Variants in NME7 observed in about 807,000 individuals in gnomAD.
The protein encoded by NME7 is nucleoside diphosphate kinase 7.
In NME7, 41 loss-of-function variants were observed where a neutral mutation model predicts 49.1. The ratio of observed to expected loss-of-function variants is 0.83; its 90% CI spans 0.65 to 1.08. NME7 has a LOEUF of 1.08. NME7 is among the 50% of genes least tolerant of loss of function. The pLI is 0.00. For synonymous variants in NME7, 139 were observed against 150.6 expected, an observed-to-expected ratio of 0.92 and a Z score of 0.56; for missense variants, 423 against 463.4, an observed-to-expected ratio of 0.91 and a Z score of 0.80.
intron 3 of NME7, among the ~76,000 whole-genome samples, chr1:169,315,465 C>T (rs1651587450): frequency 6.6e-6 from 1 of 151,932 alleles, no homozygotes; most frequent in Non-Finnish European, 1.5e-5. Context: ...AAGGTTTCAC[C>T]ACATTGGCCA....
At chr1:169,361,554 C>T (rs1365288367) in intron 1 of NME7, among the ~76,000 whole-genome samples, 1 of 152,050 alleles carries the variant, frequency 6.6e-6, no homozygotes, top group African/African-American at 2.4e-5. Context: ...CCGAGGCAGG[C>T]GGATGACCTG....
chr1:169,210,535 TA>T (rs1660781565), intron 10 of NME7, among the ~76,000 whole-genome samples: 1 of 152,138 alleles, frequency 6.6e-6, no homozygotes, highest in African/African-American at 2.4e-5. Context: ...GTTGTTTAGA[TA>T]GTCCTTCTGT....
intron 4 of NME7, chr1:169,303,455 C>CTTTTTTTTTTTTTTTT (rs969800387): frequency 8.8e-6 from 1 of 113,100 alleles, no homozygotes; most frequent in Non-Finnish European, 1.8e-5. Flanking sequence ...CTATCTTCTT[C>CTTTTTTTTTTTTTTTT]TTTTTTTTTT....
chr1:169,287,684 T>C (rs1650331826), intron 6 of NME7, among the ~76,000 whole-genome samples: 1 of 152,204 alleles, frequency 6.6e-6, no homozygotes, highest in Admixed American at 6.5e-5. Flanking sequence ...AAAGATTTAA[T>C]AAATTTTGAA....
At chr1:169,228,438 G>A (rs1368657943) in intron 10 of NME7, among the ~76,000 whole-genome samples, 2 of 151,988 alleles carry the variant, frequency 1.3e-5, no homozygotes, top group Non-Finnish European at 2.9e-5. Flanking sequence ...AGCACTTTGG[G>A]AGGCCGAGGC....
At chr1:169,318,360 G>C (rs892620129) in intron 3 of NME7, among the ~76,000 whole-genome samples, 3 of 152,154 alleles carry the variant, frequency 2.0e-5, no homozygotes, top group African/African-American at 7.2e-5. Context: ...GAGCTCAAGA[G>C]ATGACAAGAA....
At chr1:169,157,025 A>G (rs1189638220) in intron 11 of NME7, among the ~76,000 whole-genome samples, 1 of 152,198 alleles carries the variant, frequency 6.6e-6, no homozygotes, top group African/African-American at 2.4e-5. Context: ...GCAATGAAAG[A>G]AGATGCTGGT....
chr1:169,235,040 T>C, intron 9 of NME7, 91 bp downstream of exon 9: 1 of 579,736 alleles, frequency 1.7e-6, no homozygotes, highest in African/African-American at 2.0e-5. Flanking sequence ...TCTGGCCATT[T>C]GGGACCTAGT....
intron 10 of NME7, among the ~76,000 whole-genome samples, chr1:169,221,919 A>G (rs1486868084): frequency 6.6e-6 from 1 of 151,238 alleles, no homozygotes; most frequent in African/African-American, 2.4e-5. Flanking sequence ...TGTTTGTTTT[A>G]TTTTTGTTTG....
chr1:169,237,781 T>C (rs1647921647), intron 7 of NME7, 94 bp from the exon 8 acceptor site: 1 of 843,954 alleles, frequency 1.2e-6, no homozygotes, highest in Admixed American at 2.2e-5. Flanking sequence ...GTACTTTTTG[T>C]TTATACTCTA....
intron 11 of NME7, among the ~76,000 whole-genome samples, chr1:169,137,696 CTACT>C (rs1311676323): frequency 6.6e-6 from 1 of 152,144 alleles, no homozygotes; most frequent in Non-Finnish European, 1.5e-5. Context: ...CTCCAAGGCA[CTACT>C]TACTTTTCAG....
At chr1:169,172,198 C>T (rs779711372) in intron 10 of NME7, among the ~76,000 whole-genome samples, 3 of 151,584 alleles carry the variant, frequency 2.0e-5, no homozygotes. Context: ...CTCTCCTGCA[C>T]GTTTTAGAGT....
intron 11 of NME7, among the ~76,000 whole-genome samples, chr1:169,167,747 A>G (rs1305448775): frequency 6.6e-6 from 1 of 152,176 alleles, no homozygotes; most frequent in Non-Finnish European, 1.5e-5. Context: ...TCAGTTTCCT[A>G]AAAAAACAGA....
In NME7 at chr1:169,323,199, C is replaced by T. The variant is rs772291364; in HGVS notation, c.196G>A (p.Val66Met). The change falls in exon 3 of 12, where the codon GTG (valine) becomes ATG (methionine). Residue 66 changes from valine to methionine, a missense_variant. By Grantham distance (21) the Val-to-Met change is conservative. Coordinates refer to ENST00000367811, the MANE Select transcript of NME7 (RefSeq NM_013330.5). The part of the protein sequence containing the change: ...HLEDLFIGNK[V>M]NVFSRQLVLI... ...ACCAGTTGTCGAGAAAAGACATTCA[C>T]TTTGTTGCCTATAAATAAATCTTCC... is the stretch of plus-strand genomic sequence containing the variant. 6.2e-7 allele frequency: 1 copy of T among 1,608,124 alleles called. No homozygotes were observed. Among genetic ancestry groups the T allele is most frequent in the Non-Finnish European group, 8.5e-7 (1 of 1,177,386 alleles).
intron 3 of NME7, among the ~76,000 whole-genome samples, chr1:169,314,050 A>C (rs894968413): frequency 7.0e-6 from 1 of 143,624 alleles, no homozygotes; most frequent in Non-Finnish European, 1.5e-5. Flanking sequence ...AGTGAAATAA[A>C]GACATTTTCA....
chr1:169,271,387 T>C lies in NME7; in HGVS notation c.754+15916A>G, dbSNP rs1649487144. ...CAGTCCCCTTTCACAGTACTCCCTC[T>C]ACTGCTCAAACAACTCATTTATCAA... On this transcript the variant is annotated intron_variant, in intron 7 of 11. Coordinates refer to ENST00000367811, the MANE Select transcript of NME7 (RefSeq NM_013330.5). 1.5e-5 allele frequency among the ~76,000 whole-genome samples: 2 copies of C among 133,888 alleles called. 1 individual carries two copies. 87.8% of individuals were successfully genotyped at this position (133,888 alleles called of 152,430 possible).
chr1:169,335,859 C>T (rs1349708719), intron 1 of NME7, among the ~76,000 whole-genome samples: 1 of 151,250 alleles, frequency 6.6e-6, no homozygotes, highest in Non-Finnish European at 1.5e-5. Flanking sequence ...AAGCCAGCTG[C>T]TTCCAGTAAG....
At chr1:169,213,795 C>A (rs185336074) in intron 10 of NME7, among the ~76,000 whole-genome samples, 8 of 150,928 alleles carry the variant, frequency 5.3e-5, no homozygotes, top group Non-Finnish European at 1.2e-4. Flanking sequence ...AAACAATAAT[C>A]TTGGGAAAAA....
At chr1:169,362,855 T>C (rs1221979692) in intron 1 of NME7, among the ~76,000 whole-genome samples, 1 of 152,220 alleles carries the variant, frequency 6.6e-6, no homozygotes, top group African/African-American at 2.4e-5. Context: ...TTCAAAGCTG[T>C]ATCTGCCATA....
Sources: gnomAD v4.1 joint callset for allele counts (sites outside exome capture counted in the v4.1 genomes callset) on GRCh38, gnomAD v4.1.1 for gene constraint, MANE v1.5 for transcripts, NCBI Gene and HGNC (gene_info 2026-07-23, HGNC 2026-07-21) for gene names.